Variants in COPG2 observed in about 807,000 individuals in gnomAD.
The protein encoded by COPG2 is coatomer subunit gamma-2.
COPG2 carries 37 observed loss-of-function variants against 46.3 expected under a neutral mutation model. The observed-to-expected ratio is 0.80, with a 90% CI of 0.61 to 1.05. COPG2 has a LOEUF of 1.05. Among genes scored for constraint, COPG2 ranks in the 50% least tolerant of loss-of-function variants. COPG2 has a pLI of 0.00. For missense variants in COPG2, 427 were observed against 387.8 expected (o/e 1.10, Z -0.85); for synonymous variants, 159 against 129.7 (o/e 1.23, Z -1.53).
At chr7:130,507,479 G>C in intron 22 of COPG2, 107 bp from the exon 23 acceptor site, 2 of 730,020 alleles carry the variant, frequency 2.7e-6, no homozygotes, top group Non-Finnish European at 5.1e-6. Context: ...GTTGGTGAAG[G>C]GGGTTGTTGG....
chr7:130,574,927 A>G (rs1793976734), intron 9 of COPG2, among the ~76,000 whole-genome samples: 1 of 152,172 alleles, frequency 6.6e-6, no homozygotes, highest in Non-Finnish European at 1.5e-5. Context: ...AGTCTCAGCA[A>G]TAGAATTGAA....
intron 5 of COPG2, among the ~76,000 whole-genome samples, chr7:130,647,536 G>A (rs1795638070): frequency 6.6e-6 from 1 of 151,934 alleles, no homozygotes; most frequent in Non-Finnish European, 1.5e-5. Flanking sequence ...TGGTCACAGG[G>A]CAGGTATATA....
intron 23 of COPG2, among the ~76,000 whole-genome samples, 169 bp downstream of exon 23, chr7:130,507,105 A>G (rs1554440251): frequency 6.6e-6 from 1 of 152,226 alleles, no homozygotes; most frequent in African/African-American, 2.4e-5. Context: ...ACATCTTAAA[A>G]GAATAACCAA....
intron 9 of COPG2, among the ~76,000 whole-genome samples, chr7:130,608,750 T>C (rs1056683509): frequency 4.6e-5 from 7 of 152,144 alleles, no homozygotes; most frequent in African/African-American, 1.7e-4. Context: ...TTTTCTTTCA[T>C]TCTTTCTCTT....
At position 130,561,235 on chromosome 7, in the gene COPG2, A is replaced by G. The variant is rs1168026643; in HGVS notation, c.940-14T>C. ...CTTCATTGCCACCTTGTGGAAGGGCAAGAAAAAAAATTAAGCAAATTGCTT... is the reference window on the plus strand; with the variant it reads ...CTTCATTGCCACCTTGTGGAAGGGCGAGAAAAAAAATTAAGCAAATTGCTT... On this transcript the variant is annotated splice_polypyrimidine_tract_variant and intron_variant, in intron 11 of 23. Coordinates refer to ENST00000425248, the MANE Select transcript of COPG2 (RefSeq NM_012133.6). 1 of 398,586 alleles carries G rather than the reference A, an allele frequency of 2.5e-6. No homozygotes were observed. Among genetic ancestry groups the G allele is most frequent in the Non-Finnish European group, 4.4e-6 (1 of 226,042 alleles). The allele number at this position is 398,586 out of a possible 1,614,324, so 24.7% of individuals were successfully genotyped here.
intron 20 of COPG2, among the ~76,000 whole-genome samples, chr7:130,542,835 G>C (rs1793359599): frequency 1.3e-5 from 2 of 152,132 alleles, no homozygotes; most frequent in South Asian, 2.1e-4. Context: ...TCAGTAAAAG[G>C]GCTGACATGG....
intron 9 of COPG2, among the ~76,000 whole-genome samples, chr7:130,577,879 G>A (rs1794041162): frequency 6.6e-6 from 1 of 151,868 alleles, no homozygotes; most frequent in South Asian, 2.1e-4. Flanking sequence ...TGCTAGCACA[G>A]CAGTCTGAGA....
intron 4 of COPG2, among the ~76,000 whole-genome samples, chr7:130,657,475 G>A (rs1251233184): frequency 2.0e-5 from 3 of 152,066 alleles, no homozygotes; most frequent in African/African-American, 7.2e-5. Flanking sequence ...CTTCGGTTAA[G>A]GAAAGATTTC....
intron 20 of COPG2, among the ~76,000 whole-genome samples, chr7:130,515,741 A>AG (rs1482519824): frequency 6.6e-6 from 1 of 152,102 alleles, no homozygotes; most frequent in Non-Finnish European, 1.5e-5. Flanking sequence ...AGGGTACAAA[A>AG]GGGAAGGGAT....
chr7:130,593,300 A>G (rs539892663), intron 9 of COPG2, among the ~76,000 whole-genome samples: 2 of 152,370 alleles, frequency 1.3e-5, no homozygotes, highest in Admixed American at 6.5e-5. Context: ...TGAATAAAAT[A>G]TCTGGAAAAT....
At position 130,549,735 on chromosome 7, in the gene COPG2, G is replaced by T. The variant is rs1194074170; in HGVS notation, c.1775-359C>A. Among the ~76,000 whole-genome samples the T allele has an allele frequency of 5.3e-5, 8 of 152,256 alleles. No individual in the cohort carries two copies. The East Asian group carries it at 1.3e-3, about 26-fold the overall frequency. The stretch of plus-strand genomic sequence containing the variant: ...GAAAAACTGAAAATGTTGAAAATAA[G>T]CATAAAATTGTTTCTTCCCAGTTTT... On this transcript the variant is annotated intron_variant, in intron 17 of 23. Transcript: ENST00000425248.
At chr7:130,537,207 C>A (rs993643932) in intron 20 of COPG2, among the ~76,000 whole-genome samples, 24,658 of 151,778 alleles carry the variant, frequency 0.16, 3,911 homozygotes, top group African/African-American at 0.41. Context: ...GAGTGTTTTT[C>A]CACAGTGTGA....
chr7:130,512,856 G>A (rs1799617113), intron 20 of COPG2, among the ~76,000 whole-genome samples: 1 of 152,178 alleles, frequency 6.6e-6, no homozygotes, highest in African/African-American at 2.4e-5. Context: ...TCTGCTATGT[G>A]AGGATTGGCT....
At chr7:130,613,394 CT>C in intron 7 of COPG2, 149 bp downstream of exon 7, 1 of 584,402 alleles carries the variant, frequency 1.7e-6, no homozygotes, top group Non-Finnish European at 3.0e-6. Flanking sequence ...GTGGGGACCC[CT>C]GCTCTAGATA....
intron 20 of COPG2, among the ~76,000 whole-genome samples, chr7:130,543,391 G>A (rs969801631): frequency 1.3e-5 from 2 of 152,166 alleles, no homozygotes; most frequent in Non-Finnish European, 2.9e-5. Context: ...TATATAGAAA[G>A]AACTTGTCAT....
chr7:130,581,901 T>A (rs1360065013), intron 9 of COPG2, among the ~76,000 whole-genome samples: 39 of 148,752 alleles, frequency 2.6e-4, no homozygotes, highest in Non-Finnish European at 4.4e-4. Flanking sequence ...AGAATCAATA[T>A]CATGAAAATG....
At chr7:130,525,910 C>T (rs1477806279) in intron 20 of COPG2, among the ~76,000 whole-genome samples, 3 of 152,074 alleles carry the variant, frequency 2.0e-5, no homozygotes, top group African/African-American at 7.3e-5. Context: ...AAATTCTACA[C>T]ACGGGTGTTG....
chr7:130,610,827 T>C (rs781856626), intron 9 of COPG2, 126 bp downstream of exon 9: 10 of 921,274 alleles, frequency 1.1e-5, no homozygotes, highest in African/African-American at 5.0e-5. Flanking sequence ...TTTTAAAAAA[T>C]TGAAAAACAT....
chr7:130,534,292 C>T (rs1449001944), intron 20 of COPG2, among the ~76,000 whole-genome samples: 1 of 152,120 alleles, frequency 6.6e-6, no homozygotes, highest in Non-Finnish European at 1.5e-5. Flanking sequence ...GCAGGGAACT[C>T]AGGGACTTGG....
Sources: allele counts gnomAD v4.1 joint callset (sites outside exome capture counted in the v4.1 genomes callset), GRCh38; gene constraint gnomAD v4.1.1; transcripts MANE v1.5; gene names NCBI Gene and HGNC (gene_info 2026-07-23, HGNC 2026-07-21).